Variants in FAT3 observed in about 807,000 individuals in gnomAD.
The protein encoded by FAT3 is FAT atypical cadherin 3.
Under a neutral mutation model 310.2 loss-of-function variants are expected in FAT3, and 95 were observed. The observed-to-expected ratio is 0.31, with a 90% confidence interval of 0.26 to 0.36. The LOEUF (loss-of-function observed/expected upper bound fraction) is 0.36, where lower values mean the gene tolerates loss of function less well. FAT3 is among the 10% of genes least tolerant of loss of function. The pLI is 1.00. For synonymous variants in FAT3, 2,314 were observed against 2,192.9 expected (o/e 1.06, Z -1.54); for missense variants, 5,408 against 5,715.6 (o/e 0.95, Z 1.74).
chr11:92,471,791 A>G (rs1215373167), intron 2 of FAT3, among the ~76,000 whole-genome samples: 1 of 152,018 alleles, frequency 6.6e-6, no homozygotes, highest in African/African-American at 2.4e-5. Flanking sequence ...TGATACATTC[A>G]TGCAGTTGAA....
At chr11:92,497,557 T>G (rs1783350917) in intron 2 of FAT3, among the ~76,000 whole-genome samples, 2 of 152,072 alleles carry the variant, frequency 1.3e-5, no homozygotes, top group Admixed American at 1.3e-4. Context: ...AATGTAATAG[T>G]TGGCTGGAGG....
rs556637490 is a variant in FAT3, at chr11:92,529,537, T to G, written c.3607+4589T>G. ...AAATTTTAAAGGGCCTTGTTTTTTT[T>G]GTTTTGTTTTTTTTGTTTGTTTGTT... On this transcript the variant is annotated intron_variant, in intron 3 of 27. Transcript: ENST00000525166. Among the ~76,000 whole-genome samples, 52 of 152,330 alleles carry G rather than the reference T, an allele frequency of 3.4e-4. 1 individual carries two copies. The South Asian group carries it at 0.011, about 31-fold the overall frequency.
intron 2 of FAT3, among the ~76,000 whole-genome samples, chr11:92,442,267 C>A (rs1262565649): frequency 6.7e-6 from 1 of 148,858 alleles, no homozygotes; most frequent in African/African-American, 2.5e-5. Context: ...GCACCCGCCA[C>A]CACGCCCGGC....
chr11:92,339,486 G>A (rs549471648), intron 1 of FAT3, among the ~76,000 whole-genome samples: 83 of 152,274 alleles, frequency 5.5e-4, no homozygotes, highest in Non-Finnish European at 9.6e-4. Context: ...GCCTTTCTTC[G>A]TTCGGTTTAT....
chr11:92,892,435 A>G lies in FAT3; in HGVS notation c.*1322A>G, dbSNP rs1221487741. The G allele has an allele frequency of 6.7e-6, 1 of 150,060 alleles. No individual in the cohort carries two copies. The highest frequency in any genetic ancestry group is 2.0e-4 in the East Asian group (1 of 5,118). The allele number at this position is 150,060 out of a possible 1,614,324, so 9.3% of individuals were successfully genotyped here. ...TGCTTTTTTTTTTTTTTCTCAAGAC[A>G]GAGTCTTGCTCTGTCACCCAGGCTA... On this transcript the variant is annotated 3_prime_UTR_variant, in exon 28 of 28. Transcript: ENST00000525166.
chr11:92,758,739 A>AG lies in FAT3; in HGVS notation c.3670-3111dup, dbSNP rs1267376121. 7.9e-5 allele frequency among the ~76,000 whole-genome samples: 12 copies of AG among 152,320 alleles called. No homozygotes were observed. In the South Asian group the frequency reaches 1.7e-3, roughly 21 times the overall value. On this transcript the variant is annotated intron_variant, in intron 4 of 27. Coordinates refer to ENST00000525166, the MANE Select transcript of FAT3 (RefSeq NM_001367949.2). ...ACTGTGGCCATCCAAGCAAGATGCA[A>AG]GGGGGGTCTGTAATAGGGCAGTGTG...
intron 3 of FAT3, among the ~76,000 whole-genome samples, chr11:92,637,752 C>T (rs1429278450): frequency 2.0e-5 from 3 of 152,150 alleles, no homozygotes; most frequent in African/African-American, 7.2e-5. Context: ...GTTTGTCTTT[C>T]CTTGCTGAGC....
At chr11:92,552,432 A>G (rs1954851508) in intron 3 of FAT3, among the ~76,000 whole-genome samples, 1 of 152,218 alleles carries the variant, frequency 6.6e-6, no homozygotes, top group African/African-American at 2.4e-5. Flanking sequence ...CACTTTTCAA[A>G]ATCTTATAGA....
chr11:92,508,466 GAA>G (rs1010456068), intron 2 of FAT3, among the ~76,000 whole-genome samples: 2 of 151,690 alleles, frequency 1.3e-5, no homozygotes, highest in Non-Finnish European at 2.9e-5. Flanking sequence ...CAGAAAAAAT[GAA>G]AAAAAGTGTT....
intron 3 of FAT3, among the ~76,000 whole-genome samples, chr11:92,648,430 G>C (rs1038088953): frequency 6.6e-6 from 1 of 152,156 alleles, no homozygotes; most frequent in Non-Finnish European, 1.5e-5. Context: ...GCTTCTGGAA[G>C]TTTTGGCAGT....
rs1737621857 is a variant in FAT3, at chr11:92,354,056, T to G, written c.1944T>G (p.Asn648Lys). The G allele has an allele frequency of 6.2e-7, 1 of 1,613,518 alleles. No homozygotes were observed. The highest frequency in any genetic ancestry group is 1.3e-5 in the African/African-American group (1 of 74,912). Reference protein sequence around the residue: ...SLTNSGIKNGNFALRITATDG... With the variant: ...SLTNSGIKNGKFALRITATDG... ...CAAATTCTGGCATTAAAAATGGCAA[T>G]TTTGCCCTCAGAATTACAGCAACTG... The change falls in exon 2 of 28, where the codon AAT (asparagine) becomes AAG (lysine). Residue 648 changes from asparagine (N) to lysine (K), a missense_variant. Coordinates refer to ENST00000525166, the MANE Select transcript of FAT3 (RefSeq NM_001367949.2).
chr11:92,759,288 C>G (rs1946084983), intron 4 of FAT3, among the ~76,000 whole-genome samples: 1 of 152,196 alleles, frequency 6.6e-6, no homozygotes. Context: ...TGTTCTGTGG[C>G]TTGACACAGG....
At chr11:92,622,377 T>C (rs1941128019) in intron 3 of FAT3, among the ~76,000 whole-genome samples, 1 of 152,198 alleles carries the variant, frequency 6.6e-6, no homozygotes, top group African/African-American at 2.4e-5. Context: ...CTAAATAGTA[T>C]TTATTGATTA....
At chr11:92,502,386 G>A (rs1176138200) in intron 2 of FAT3, among the ~76,000 whole-genome samples, 6 of 151,994 alleles carry the variant, frequency 3.9e-5, no homozygotes, top group Admixed American at 2.0e-4. Flanking sequence ...GTTCTGAGCA[G>A]GCCAATGCAT....
intron 1 of FAT3, among the ~76,000 whole-genome samples, chr11:92,246,986 A>G (rs1864941472): frequency 6.6e-6 from 1 of 152,132 alleles, no homozygotes; most frequent in African/African-American, 2.4e-5. Context: ...TCACAGGTCA[A>G]AGGACTAGAA....
At chr11:92,359,766 G>T (rs1474790846) in intron 2 of FAT3, among the ~76,000 whole-genome samples, 3 of 143,268 alleles carry the variant, frequency 2.1e-5, no homozygotes, top group Non-Finnish European at 4.5e-5. Flanking sequence ...TACTGAGAAT[G>T]ATGATTTCCA....
intron 3 of FAT3, among the ~76,000 whole-genome samples, chr11:92,635,943 TTTTTGTTTTGTTTTG>T (rs541177357): frequency 3.3e-5 from 5 of 152,002 alleles, no homozygotes; most frequent in South Asian, 2.1e-4. Flanking sequence ...AAGGTCTTCT[TTTTTGTTTTGTTTTG>T]TTTTGTTTTG....
intron 2 of FAT3, among the ~76,000 whole-genome samples, chr11:92,485,020 C>G (rs1952335837): frequency 6.6e-6 from 1 of 152,184 alleles, no homozygotes; most frequent in African/African-American, 2.4e-5. Flanking sequence ...TTTTAGAAAA[C>G]AAGATTTTTG....
intron 8 of FAT3, among the ~76,000 whole-genome samples, chr11:92,791,831 G>T (rs1947048239): frequency 6.6e-6 from 1 of 152,164 alleles, no homozygotes; most frequent in Non-Finnish European, 1.5e-5. Flanking sequence ...TCAAACTTCT[G>T]CCATATGCAA....
Sources: allele counts gnomAD v4.1 joint callset (sites outside exome capture counted in the v4.1 genomes callset), GRCh38; gene constraint gnomAD v4.1.1; transcripts MANE v1.5; gene names NCBI Gene and HGNC (gene_info 2026-07-23, HGNC 2026-07-21).